Variants in C11orf21 observed in about 807,000 individuals in gnomAD.
C11orf21 encodes the protein uncharacterized protein C11orf21.
A neutral mutation model predicts 15.2 loss-of-function variants in C11orf21; 19 were observed. That is an observed-to-expected ratio of 1.25 (90% CI 0.87 to 1.84). The LOEUF is 1.84. Ranked by LOEUF, C11orf21 falls within the 40% of genes most tolerant of loss-of-function variation. C11orf21 has a pLI of 0.00. For synonymous variants in C11orf21, 62 were observed against 66.8 expected, an observed-to-expected ratio of 0.93 and a Z score of 0.35; for missense variants, 171 against 174.4, an observed-to-expected ratio of 0.98 and a Z score of 0.11.
At chr11:2,302,793 T>C (rs1297639140), upstream of C11orf21, 3 of 1,524,012 alleles carry the variant, frequency 2.0e-6, no homozygotes, top group East Asian at 2.3e-5. Context: ...CCGAGCTCCC[T>C]GCTCCTGCAG....
At chr11:2,300,479 C>A in intron 2 of C11orf21, 41 bp downstream of exon 2, 1 of 1,342,658 alleles carries the variant, frequency 7.4e-7, no homozygotes, top group Non-Finnish European at 1.0e-6. Context: ...CGGCTCCCTG[C>A]CCCCGCTGGT....
upstream of C11orf21, chr11:2,302,643 G>A: frequency 1.7e-6 from 1 of 594,176 alleles, no homozygotes; most frequent in Non-Finnish European, 3.0e-6. Flanking sequence ...TACCATGTGG[G>A]GGTGCCTGTG....
chr11:2,299,401 C>T, intron 3 of C11orf21, 27 bp downstream of exon 3: 1 of 1,539,446 alleles, frequency 6.5e-7, no homozygotes, highest in Non-Finnish European at 8.8e-7. Context: ...GGCCCCCAGG[C>T]TCCAGCCTCA....
Position 2,299,819 on chromosome 11 carries a change from C to T in C11orf21, c.148-112G>A, listed in dbSNP as rs575301440. The T allele has an allele frequency of 4.5e-4, 284 of 628,588 alleles. 7 individuals carry two copies. In the South Asian group the frequency reaches 6.8e-3, roughly 15 times the overall value. The allele number at this position is 628,588 out of a possible 1,614,324, so 38.9% of individuals were successfully genotyped here. A position where few individuals can be genotyped will look rare whatever the true frequency, so the allele number is the denominator to read the frequency against. On this transcript the variant is annotated intron_variant, in intron 2 of 3. Coordinates refer to ENST00000381153, the MANE Select transcript of C11orf21 (RefSeq NM_001329958.2). ...GCGGGTAAACACATATGCATGCACACACATCCACGTCTGCACACGCATCCA... is the reference window on the plus strand; with the variant it reads ...GCGGGTAAACACATATGCATGCACATACATCCACGTCTGCACACGCATCCA...
At chr11:2,302,763 C>A (rs1247535354), upstream of C11orf21, 5 of 1,192,054 alleles carry the variant, frequency 4.2e-6, no homozygotes, top group Non-Finnish European at 6.1e-6. Flanking sequence ...TGGAGAGAGC[C>A]CCAACCCTGC....
chr11:2,302,178 C>T, upstream of C11orf21: 1 of 1,416,802 alleles, frequency 7.1e-7, no homozygotes, highest in Non-Finnish European at 9.3e-7. Context: ...GTCAGGGTTG[C>T]CAAATGCCAG....
chr11:2,299,462 A>G lies in C11orf21; in HGVS notation c.393T>C (p.Pro131=). 6.5e-7 allele frequency: 1 copy of G among 1,550,156 alleles called. No individual in the cohort carries two copies. The highest frequency in any genetic ancestry group is 8.7e-7 in the Non-Finnish European group (1 of 1,146,838). Residue 131 remains proline, a synonymous_variant, in exon 3 of 4, where the codon CCT becomes CCC. Transcript: ENST00000381153. ...ACAGAAAAGGGTCCCTGTCTCAGGA[A>G]GGTAGAGGCTGCCACCTCCTGGCCC... ...CPRARRWQPL[P]S
At chr11:2,302,974 G>C (rs777841962), upstream of C11orf21, 12 of 1,606,698 alleles carry the variant, frequency 7.5e-6, no homozygotes, top group African/African-American at 1.3e-5. Context: ...TGAGGTCCAG[G>C]CCTGGCTGCA....
At chr11:2,300,866 G>T (rs545082618) in intron 1 of C11orf21, 2 of 1,126,854 alleles carry the variant, frequency 1.8e-6, no homozygotes, top group South Asian at 1.4e-5. Context: ...CCCTAGACCT[G>T]GTACCTTCAC....
intron 3 of C11orf21, among the ~76,000 whole-genome samples, chr11:2,299,040 T>A (rs1847604269): frequency 6.6e-6 from 1 of 151,982 alleles, no homozygotes; most frequent in East Asian, 1.9e-4. Context: ...CAGAACCCAG[T>A]TTGAGTATGG....
chr11:2,298,312 G>A (rs564639078), intron 3 of C11orf21, among the ~76,000 whole-genome samples: 4 of 152,316 alleles, frequency 2.6e-5, no homozygotes, highest in Non-Finnish European at 4.4e-5. Context: ...GGGGATGGGC[G>A]TTCACTTCTA....
At position 2,295,843 on chromosome 11, in the gene C11orf21, A is replaced by G. The variant is rs1847510754; in HGVS notation, c.*2107T>C. 1 of 152,232 alleles carries G rather than the reference A, an allele frequency of 6.6e-6. No homozygotes were observed. Among genetic ancestry groups the G allele is most frequent in the Non-Finnish European group, 1.5e-5 (1 of 68,044 alleles). The allele number at this position is 152,232 out of a possible 1,614,324, so 9.4% of individuals were successfully genotyped here. A position where few individuals can be genotyped will look rare whatever the true frequency, so the allele number is the denominator to read the frequency against. On this transcript the variant is annotated 3_prime_UTR_variant, in exon 4 of 4. Coordinates refer to ENST00000381153, the MANE Select transcript of C11orf21 (RefSeq NM_001329958.2). The surrounding 1 kb of genome is among the most constrained non-coding windows in gnomAD (Gnocchi z 5.4). ...AACTGTGTGTAGGGAGAGATGCTAT[A>G]TGAGGACTCTCAAATATGCTCAATT...
At chr11:2,301,662 A>G in intron 1 of C11orf21, 94 bp downstream of exon 1, 2 of 1,013,252 alleles carry the variant, frequency 2.0e-6, no homozygotes, top group Non-Finnish European at 2.8e-6. Flanking sequence ...CACCTCAATA[A>G]TGATGTTCCA....
chr11:2,302,775 C>A, upstream of C11orf21: 2 of 1,344,162 alleles, frequency 1.5e-6, no homozygotes, highest in East Asian at 2.4e-5. Context: ...CAACCCTGCC[C>A]GCTGGGGCCG....
rs547276991 is a variant in C11orf21 at position 2,297,215 on chromosome 11, A to G, written c.*735T>C. 1 of 152,414 alleles carries G rather than the reference A, an allele frequency of 6.6e-6. No homozygotes were observed. The highest frequency in any genetic ancestry group is 2.1e-4 in the South Asian group (1 of 4,830). The allele number at this position is 152,414 out of a possible 1,614,324, so 9.4% of individuals were successfully genotyped here. ...GTGTGGGGACAGCCCAGCAGACCCC[A>G]AGCCACCCACTGAGGTTGCTTCTCA... On this transcript the variant is annotated 3_prime_UTR_variant, in exon 4 of 4. Coordinates refer to ENST00000381153, the MANE Select transcript of C11orf21 (RefSeq NM_001329958.2).
rs780017418 is a variant in C11orf21 at position 2,299,747 on chromosome 11, G to A, written c.148-40C>T. 7.8e-6 allele frequency: 12 copies of A among 1,545,730 alleles called. No individual in the cohort carries two copies. In the South Asian group the frequency reaches 1.4e-4, roughly 18 times the overall value. On this transcript the variant is annotated intron_variant, in intron 2 of 3. Coordinates refer to ENST00000381153, the MANE Select transcript of C11orf21 (RefSeq NM_001329958.2). ...CATTGTAGAGTGAGCGGGCGCACCT[G>A]GGACCCAGGAATTCACAGGAAGGAG...
intron 2 of C11orf21, 35 bp from the exon 3 acceptor site, chr11:2,299,742 C>A: frequency 6.5e-7 from 1 of 1,546,248 alleles, no homozygotes; most frequent in Non-Finnish European, 8.7e-7. Flanking sequence ...TGAGCGGGCG[C>A]ACCTGGGACC....
intron 3 of C11orf21, among the ~76,000 whole-genome samples, chr11:2,298,874 G>T (rs956233533): frequency 9.3e-5 from 14 of 150,732 alleles, no homozygotes; most frequent in African/African-American, 3.4e-4. Flanking sequence ...CTCACTGAGG[G>T]CAGAGCCTAG....
intron 3 of C11orf21, among the ~76,000 whole-genome samples, chr11:2,298,387 T>C (rs1289623448): frequency 1.3e-5 from 2 of 152,150 alleles, no homozygotes; most frequent in Non-Finnish European, 2.9e-5. Context: ...CAGCTGGTCA[T>C]GAAACAGTCT....
Sources: gnomAD v4.1 joint callset for allele counts (sites outside exome capture counted in the v4.1 genomes callset) on GRCh38, gnomAD v4.1.1 for gene constraint, Gnocchi (gnomAD v3.1) non-coding constraint, MANE v1.5 for transcripts, NCBI Gene and HGNC (gene_info 2026-07-23, HGNC 2026-07-21) for gene names.